The following KLF8 variants were observed in gnomAD, a reference collection of about 807,000 sequenced individuals.
The protein encoded by KLF8 is KLF transcription factor 8, also known as Krueppel-like factor 8.
In KLF8, 10 loss-of-function variants were observed where a neutral mutation model predicts 18.2. That is an observed-to-expected ratio of 0.55 (90% CI 0.34 to 0.93). The LOEUF (loss-of-function observed/expected upper bound fraction) is 0.93, where lower values mean the gene tolerates loss of function less well. KLF8 is among the 40% of genes least tolerant of loss of function. The pLI, the probability that KLF8 is intolerant of heterozygous loss-of-function variation, is 0.02. For synonymous variants in KLF8, 109 were observed against 97.3 expected (o/e 1.12, Z -0.71); for missense variants, 264 against 277.9 (o/e 0.95, Z 0.36).
At chrX:55,925,978 C>T in the KLF8 span, among the ~76,000 whole-genome samples, 1 of 111,824 alleles carries the variant, frequency 8.9e-6, no homozygotes, top group Non-Finnish European at 1.9e-5. Context: ...GGTATTCATC[C>T]TATCAAGCAT....
the KLF8 span, among the ~76,000 whole-genome samples, chrX:56,177,801 G>C: frequency 9.0e-6 from 1 of 111,364 alleles, no homozygotes; most frequent in African/African-American, 3.3e-5. Context: ...CTCAGAAATG[G>C]GGTCACCCCT....
the KLF8 span, among the ~76,000 whole-genome samples, chrX:56,050,321 T>G: frequency 4.5e-5 from 5 of 111,619 alleles, no homozygotes; most frequent in African/African-American, 6.5e-5. Context: ...TTTTGAATGT[T>G]TTTGCTCTTG....
At chrX:56,113,982 A>T in the KLF8 span, among the ~76,000 whole-genome samples, 26 of 111,919 alleles carry the variant, frequency 2.3e-4, no homozygotes, top group African/African-American at 8.4e-4. Context: ...AGTCCTCTGA[A>T]TGGGAGACTG....
At chrX:56,085,724 C>T in the KLF8 span, among the ~76,000 whole-genome samples, 1 of 112,202 alleles carries the variant, frequency 8.9e-6, no homozygotes, top group Non-Finnish European at 1.9e-5. Context: ...AACACACATG[C>T]AATATTTTTC....
the KLF8 span, among the ~76,000 whole-genome samples, chrX:56,009,545 A>C: frequency 4.8e-4 from 54 of 112,299 alleles, no homozygotes; most frequent in Non-Finnish European, 8.8e-4. Flanking sequence ...AGCCAGAGTG[A>C]CTTTTCTCCT....
the KLF8 span, among the ~76,000 whole-genome samples, chrX:56,142,200 C>T: frequency 8.9e-6 from 1 of 111,803 alleles, no homozygotes; most frequent in Non-Finnish European, 1.9e-5. Flanking sequence ...TTTATCCCTA[C>T]CATTTCACTG....
the KLF8 span, among the ~76,000 whole-genome samples, chrX:56,182,604 T>C: frequency 8.9e-6 from 1 of 112,488 alleles, no homozygotes; most frequent in Non-Finnish European, 1.9e-5. Flanking sequence ...TGTGGTTTTA[T>C]CTACCTTTGG....
chrX:56,186,130 C>A, the KLF8 span, among the ~76,000 whole-genome samples: 1 of 111,810 alleles, frequency 8.9e-6, no homozygotes, highest in Non-Finnish European at 1.9e-5. Flanking sequence ...TCAGGAAACC[C>A]ATCTCATGTG....
At chrX:56,019,421 AT>A in the KLF8 span, among the ~76,000 whole-genome samples, 1 of 111,995 alleles carries the variant, frequency 8.9e-6, no homozygotes, top group Non-Finnish European at 1.9e-5. Context: ...TTCCCAGAAA[AT>A]TTTTCGTTGA....
At chrX:55,994,176 C>T in the KLF8 span, among the ~76,000 whole-genome samples, 1 of 110,069 alleles carries the variant, frequency 9.1e-6, no homozygotes, top group African/African-American at 3.3e-5. Flanking sequence ...TCCCAAAGTG[C>T]TGGGTTTACA....
chrX:56,055,207 C>A, the KLF8 span, among the ~76,000 whole-genome samples: 1 of 111,964 alleles, frequency 8.9e-6, no homozygotes, highest in Non-Finnish European at 1.9e-5. Context: ...TTCGTAGTGG[C>A]TGGTAATGGG....
chrX:55,955,102 T>C, the KLF8 span, among the ~76,000 whole-genome samples: 1 of 111,584 alleles, frequency 9.0e-6, no homozygotes, highest in South Asian at 3.7e-4. Flanking sequence ...CTAAAACTTA[T>C]TAAATTATAC....
the KLF8 span, among the ~76,000 whole-genome samples, chrX:56,069,168 A>G: frequency 2.7e-5 from 3 of 111,921 alleles, no homozygotes; most frequent in South Asian, 1.1e-3. Flanking sequence ...TGCCTATTAG[A>G]ACTTCTGGCT....
At chrX:56,147,909 C>A in the KLF8 span, among the ~76,000 whole-genome samples, 1 of 111,991 alleles carries the variant, frequency 8.9e-6, no homozygotes, top group South Asian at 3.7e-4. Context: ...GCCTGGGAGG[C>A]GGAGGTTACA....
the KLF8 span, among the ~76,000 whole-genome samples, chrX:56,053,448 A>G: frequency 9.1e-6 from 1 of 110,010 alleles, no homozygotes; most frequent in Non-Finnish European, 1.9e-5. Context: ...ATCAATTTTC[A>G]TCAAGGATAT....
the KLF8 span, among the ~76,000 whole-genome samples, chrX:56,082,594 C>G: frequency 1.8e-5 from 2 of 109,834 alleles, no homozygotes; most frequent in Non-Finnish European, 3.8e-5. Flanking sequence ...GCATTTACAG[C>G]TATAAATTGC....
At chrX:56,113,860 G>A in the KLF8 span, among the ~76,000 whole-genome samples, 1 of 110,824 alleles carries the variant, frequency 9.0e-6, no homozygotes, top group South Asian at 3.8e-4. Context: ...GAGATCAAGG[G>A]CTTATTTAAG....
At chrX:55,990,039 C>T in the KLF8 span, among the ~76,000 whole-genome samples, 9,371 of 110,603 alleles carry the variant, frequency 0.085, 976 homozygotes, top group African/African-American at 0.3. Context: ...TCTGTGGGAT[C>T]GGTGGTGATA....
chrX:56,247,557 C>A (rs2066639287), intron 1 of KLF8, among the ~76,000 whole-genome samples: 1 of 111,298 alleles, frequency 9.0e-6, no homozygotes, highest in Admixed American at 9.5e-5. Flanking sequence ...TATTTTATTT[C>A]TTTGTATTCT....
Sources: gnomAD v4.1 joint callset for allele counts (sites outside exome capture counted in the v4.1 genomes callset) on GRCh38, gnomAD v4.1.1 for gene constraint, MANE v1.5 for transcripts, NCBI Gene and HGNC (gene_info 2026-07-23, HGNC 2026-07-21) for gene names.